The following DSCAM variants were observed in gnomAD, a reference collection of about 807,000 sequenced individuals.
DSCAM encodes DS cell adhesion molecule.
A neutral mutation model predicts 217.7 loss-of-function variants in DSCAM; 47 were observed. The observed-to-expected ratio is 0.22, with a 90% CI of 0.17 to 0.28. The LOEUF is 0.28. Among genes scored for constraint, DSCAM ranks in the 10% least tolerant of loss-of-function variants. The pLI is 1.00. For synonymous variants in DSCAM, 1,056 were observed against 1,015.3 expected, an observed-to-expected ratio of 1.04 and a Z score of -0.76; for missense variants, 2,080 against 2,618.3, an observed-to-expected ratio of 0.79 and a Z score of 4.49.
chr21:40,089,698 G>A (rs113906805), intron 21 of DSCAM, among the ~76,000 whole-genome samples: 2,840 of 152,088 alleles, frequency 0.019, 87 homozygotes, highest in African/African-American at 0.065. Flanking sequence ...CCTCTAGGAT[G>A]GGCCTTTCAG....
At chr21:40,138,673 G>T (rs1601371883) in intron 18 of DSCAM, among the ~76,000 whole-genome samples, 1 of 142,120 alleles carries the variant, frequency 7.0e-6, no homozygotes, top group Admixed American at 7.3e-5. Context: ...TGTGATATGT[G>T]GTGTATGTGT....
intron 3 of DSCAM, among the ~76,000 whole-genome samples, chr21:40,659,013 T>A (rs2090106599): frequency 6.6e-6 from 1 of 152,070 alleles, no homozygotes; most frequent in Admixed American, 6.6e-5. Context: ...CAACTTGAGC[T>A]CTTAAGTGCT....
intron 1 of DSCAM, among the ~76,000 whole-genome samples, chr21:40,809,604 C>T (rs1177519839): frequency 1.3e-5 from 2 of 152,170 alleles, no homozygotes; most frequent in Non-Finnish European, 2.9e-5. Context: ...TCAGCCTAGA[C>T]CCTGCCCTGC....
Position 40,485,721 on chromosome 21 carries a change from CTATT to C in DSCAM, c.509-116480_509-116477del, listed in dbSNP as rs539818875. ...TGTTACTTACATGCATATGTTATTT[CTATT>C]TGTTATTTAACTTTAAAATATCTTA... is the stretch of plus-strand genomic sequence containing the variant. On this transcript the variant is annotated intron_variant, in intron 3 of 32. Coordinates refer to ENST00000400454, the MANE Select transcript of DSCAM (RefSeq NM_001389.5). 9.2e-5 allele frequency among the ~76,000 whole-genome samples: 14 copies of C among 152,128 alleles called. No individual in the cohort carries two copies. The East Asian group carries it at 2.7e-3, about 29-fold the overall frequency.
In DSCAM at chr21:40,359,451, T is replaced by G. The variant is rs117861974; in HGVS notation, c.656-5708A>C. Among the ~76,000 whole-genome samples, 7 of 152,330 alleles carry G rather than the reference T, an allele frequency of 4.6e-5. No individual in the cohort carries two copies. The East Asian group carries it at 9.6e-4, about 21-fold the overall frequency. Reference sequence around the variant, plus strand: ...TTCTTAAAGTGTTTAAACTTCAATTTGCCATAAGGCCCCAAGTTCTAGGTA... The same window carrying G: ...TTCTTAAAGTGTTTAAACTTCAATTGGCCATAAGGCCCCAAGTTCTAGGTA... On this transcript the variant is annotated intron_variant, in intron 4 of 32. Coordinates refer to ENST00000400454, the MANE Select transcript of DSCAM (RefSeq NM_001389.5).
intron 1 of DSCAM, among the ~76,000 whole-genome samples, chr21:40,767,125 C>T (rs1030581016): frequency 6.6e-6 from 1 of 152,104 alleles, no homozygotes; most frequent in Non-Finnish European, 1.5e-5. Context: ...TAATTGTCAA[C>T]TAAAACATGT....
At chr21:40,230,149 GTTTTC>G (rs2091368861) in intron 11 of DSCAM, among the ~76,000 whole-genome samples, 1 of 152,176 alleles carries the variant, frequency 6.6e-6, no homozygotes. Context: ...ATGGTACAAA[GTTTTC>G]TTTTCTTGCA....
rs151184619 is a variant in DSCAM at position 40,473,015 on chromosome 21, C to T, written c.509-103770G>A. ...AAACCCATTTCCCTGGCAAAGCGGA[C>T]GGTCCATACGGGGCACGGATTTATT... On this transcript the variant is annotated intron_variant, in intron 3 of 32. Coordinates refer to ENST00000400454, the MANE Select transcript of DSCAM (RefSeq NM_001389.5). Among the ~76,000 whole-genome samples the T allele has an allele frequency of 1.4e-3, 210 of 152,196 alleles. 5 individuals carry two copies. The East Asian group carries it at 0.038, about 28-fold the overall frequency.
intron 27 of DSCAM, among the ~76,000 whole-genome samples, chr21:40,069,276 G>C (rs571648387): frequency 6.6e-6 from 1 of 152,126 alleles, no homozygotes; most frequent in South Asian, 2.1e-4. Flanking sequence ...TGGTTAGATC[G>C]AGTTTTGGGA....
chr21:40,219,890 A>C (rs2091275991), intron 11 of DSCAM, among the ~76,000 whole-genome samples: 1 of 152,246 alleles, frequency 6.6e-6, no homozygotes, highest in African/African-American at 2.4e-5. Context: ...TGTTATATAT[A>C]CACCAAATAG....
At chr21:40,479,762 A>C (rs1452030208) in intron 3 of DSCAM, among the ~76,000 whole-genome samples, 3 of 152,148 alleles carry the variant, frequency 2.0e-5, no homozygotes, top group African/African-American at 7.2e-5. Flanking sequence ...ACACAGCCAG[A>C]CCATATCACA....
At chr21:40,213,616 C>T (rs1057363581) in intron 11 of DSCAM, among the ~76,000 whole-genome samples, 2 of 152,110 alleles carry the variant, frequency 1.3e-5, no homozygotes, top group Non-Finnish European at 2.9e-5. Context: ...TCTTAGGCAG[C>T]CACTGCAGAT....
At chr21:40,170,412 C>T (rs2090644181) in intron 15 of DSCAM, among the ~76,000 whole-genome samples, 1 of 152,212 alleles carries the variant, frequency 6.6e-6, no homozygotes, top group Non-Finnish European at 1.5e-5. Flanking sequence ...AGCATGCATC[C>T]CTCTCCTCAG....
intron 3 of DSCAM, among the ~76,000 whole-genome samples, chr21:40,404,784 A>G (rs2075266566): frequency 6.6e-6 from 1 of 152,192 alleles, no homozygotes; most frequent in African/African-American, 2.4e-5. Flanking sequence ...ATCCTCTAGG[A>G]AAGTCTCCTC....
Position 40,144,385 on chromosome 21 carries a change from T to C in DSCAM, c.3259+106A>G, listed in dbSNP as rs1278619043. ...CGAGACCCCAGGCCCTGCAGGTCAC[T>C]GCAAAGTCGTGGGGCGGGGGAGTGC... On this transcript the variant is annotated intron_variant, in intron 17 of 32. Transcript: ENST00000400454. The surrounding 1 kb of genome is among the most constrained non-coding windows in gnomAD (Gnocchi z 4.8). The C allele has an allele frequency of 7.2e-6, 11 of 1,533,426 alleles. No homozygotes were observed. The highest frequency in any genetic ancestry group is 9.7e-6 in the Non-Finnish European group (11 of 1,134,074). The allele number at this position is 1,533,426 out of a possible 1,614,324, so 95.0% of individuals were successfully genotyped here.
chr21:40,826,068 AG>A (rs1246019470), intron 1 of DSCAM, among the ~76,000 whole-genome samples: 1 of 152,252 alleles, frequency 6.6e-6, no homozygotes, highest in Non-Finnish European at 1.5e-5. Context: ...TGGGAGAGAC[AG>A]ATGATAAACT....
At chr21:40,250,180 G>A (rs2073282987) in intron 11 of DSCAM, among the ~76,000 whole-genome samples, 2 of 152,276 alleles carry the variant, frequency 1.3e-5, no homozygotes, top group African/African-American at 4.8e-5. Flanking sequence ...ACGGTTTGGG[G>A]ATTCACAGCC....
chr21:40,537,869 G>A (rs905006043), intron 3 of DSCAM, among the ~76,000 whole-genome samples: 2 of 152,130 alleles, frequency 1.3e-5, no homozygotes, highest in Non-Finnish European at 2.9e-5. Context: ...CTTCCTTACA[G>A]CAGCCCCAAC....
chr21:40,821,272 C>G (rs146333706), intron 1 of DSCAM, among the ~76,000 whole-genome samples: 1,842 of 152,124 alleles, frequency 0.012, 17 homozygotes, highest in Non-Finnish European at 0.017. Context: ...TTGCACACAG[C>G]TTTGCTCTGA....
Sources: allele counts gnomAD v4.1 joint callset (sites outside exome capture counted in the v4.1 genomes callset), GRCh38; gene constraint gnomAD v4.1.1; non-coding constraint Gnocchi (gnomAD v3.1); transcripts MANE v1.5; gene names NCBI Gene and HGNC (gene_info 2026-07-23, HGNC 2026-07-21).